AKR1D1: variants seen among roughly 807,000 people sequenced by gnomAD.
The protein encoded by AKR1D1 is delta(4)-3-ketosteroid 5-beta-reductase.
In AKR1D1, 32 loss-of-function variants were observed where a neutral mutation model predicts 42.6. The observed-to-expected ratio is 0.75, with a 90% CI of 0.57 to 1.01. The LOEUF (loss-of-function observed/expected upper bound fraction) is 1.01. AKR1D1 is among the 50% of genes least tolerant of loss of function. AKR1D1 has a pLI of 0.00. For missense variants in AKR1D1, 364 were observed against 402.2 expected, an observed-to-expected ratio of 0.91 and a Z score of 0.81; for synonymous variants, 123 against 135.5, an observed-to-expected ratio of 0.91 and a Z score of 0.64.
chr7:138,096,400 C>T (rs1585730735), intron 3 of AKR1D1, among the ~76,000 whole-genome samples: 1 of 152,270 alleles, frequency 6.6e-6, no homozygotes, highest in Middle Eastern at 3.4e-3. Flanking sequence ...TATGTCATCA[C>T]ATGCTGGAAC....
At chr7:138,109,069 A>G (rs1299484949) in intron 7 of AKR1D1, among the ~76,000 whole-genome samples, 1 of 152,204 alleles carries the variant, frequency 6.6e-6, no homozygotes, top group African/African-American at 2.4e-5. Flanking sequence ...TTTTTTAAAA[A>G]CTCAAAACAA....
At chr7:138,110,737 G>C (rs1213842251) in intron 7 of AKR1D1, among the ~76,000 whole-genome samples, 2 of 152,076 alleles carry the variant, frequency 1.3e-5, no homozygotes, top group Non-Finnish European at 2.9e-5. Flanking sequence ...TGGATGACAA[G>C]AGTGAAACTT....
At chr7:138,099,187 A>G (rs1163005846) in intron 4 of AKR1D1, among the ~76,000 whole-genome samples, 2 of 152,174 alleles carry the variant, frequency 1.3e-5, no homozygotes, top group African/African-American at 4.8e-5. Context: ...CCAAAAGAAC[A>G]CGCAGTCACT....
At position 138,076,542 on chromosome 7, in the gene AKR1D1, C is replaced by T. The variant is rs138462322; in HGVS notation, c.24C>T (p.His8=). Residue 8 remains histidine, a synonymous_variant, in exon 1 of 9, where the codon CAC becomes CAT. Coordinates refer to ENST00000242375, the MANE Select transcript of AKR1D1 (RefSeq NM_005989.4). ...CAATGGATCTCAGTGCTGCAAGTCA[C>T]CGCATACCTCTAAGTGATGGAAACA... The part of the protein sequence containing the change: MDLSAAS[H]RIPLSDGNSI... 5 of 1,613,418 alleles carry T rather than the reference C, an allele frequency of 3.1e-6. No homozygotes were observed. The African/African-American group carries it at 6.7e-5, about 22-fold the overall frequency.
intron 7 of AKR1D1, among the ~76,000 whole-genome samples, chr7:138,109,622 A>C (rs1794499293): frequency 6.6e-6 from 1 of 152,198 alleles, no homozygotes; most frequent in Non-Finnish European, 1.5e-5. Flanking sequence ...AGGGGGAAGG[A>C]AAGTTCGTAA....
At chr7:138,109,646 G>T (rs1026624994) in intron 7 of AKR1D1, among the ~76,000 whole-genome samples, 1 of 152,134 alleles carries the variant, frequency 6.6e-6, no homozygotes, top group South Asian at 2.1e-4. Flanking sequence ...GAAAAAAGGC[G>T]AAAAGATGCT....
chr7:138,114,991 G>A (rs1794608296), intron 8 of AKR1D1, among the ~76,000 whole-genome samples: 1 of 152,062 alleles, frequency 6.6e-6, no homozygotes, highest in Admixed American at 6.6e-5. Context: ...TTTTCAGGGG[G>A]AAAATTGTTT....
intron 5 of AKR1D1, among the ~76,000 whole-genome samples, chr7:138,106,005 T>C (rs1794417910): frequency 6.6e-6 from 1 of 152,034 alleles, no homozygotes; most frequent in African/African-American, 2.4e-5. Context: ...GAAAGACAAA[T>C]TGCAAGACTG....
At chr7:138,110,072 TCA>T (rs1175348104) in intron 7 of AKR1D1, among the ~76,000 whole-genome samples, 1 of 151,948 alleles carries the variant, frequency 6.6e-6, no homozygotes, top group African/African-American at 2.4e-5. Context: ...AGAATGAAAA[TCA>T]CAGCCAATTC....
Position 138,107,677 on chromosome 7 carries a change from C to A in AKR1D1, c.855+97C>A, listed in dbSNP as rs1436344690. The A allele has an allele frequency of 3.1e-6, 4 of 1,285,396 alleles. No homozygotes were observed. In the Admixed American group the frequency reaches 5.3e-5, roughly 17 times the overall value. The allele number at this position is 1,285,396 out of a possible 1,614,324, so 79.6% of individuals were successfully genotyped here. On this transcript the variant is annotated intron_variant, in intron 7 of 8. Transcript: ENST00000242375. ...AGCTTAATAGGAAACCTGTAACACT[C>A]TCATATTTTATTTTATACCAGCCCC...
intron 4 of AKR1D1, among the ~76,000 whole-genome samples, chr7:138,103,589 GC>G (rs1794359187): frequency 6.6e-6 from 1 of 151,470 alleles, no homozygotes; most frequent in African/African-American, 2.4e-5. Flanking sequence ...TTAAAAGGAG[GC>G]ACCTAAGCAA....
At chr7:138,108,185 A>G (rs1050841353) in intron 7 of AKR1D1, among the ~76,000 whole-genome samples, 2 of 152,206 alleles carry the variant, frequency 1.3e-5, no homozygotes, top group Non-Finnish European at 2.9e-5. Context: ...ACTTCCCTCT[A>G]TAAGTAATCT....
At chr7:138,111,802 G>A (rs10276854) in intron 7 of AKR1D1, among the ~76,000 whole-genome samples, 2,815 of 152,238 alleles carry the variant, frequency 0.018, 94 homozygotes, top group African/African-American at 0.063. Context: ...ACAATTGCAA[G>A]TTTATTAACT....
At chr7:138,087,719 C>G (rs1295746843) in intron 1 of AKR1D1, among the ~76,000 whole-genome samples, 2 of 152,128 alleles carry the variant, frequency 1.3e-5, no homozygotes, top group East Asian at 3.8e-4. Context: ...CAACTCCTGA[C>G]CCCAGGCAAT....
chr7:138,107,293 G>T (rs772415175), intron 6 of AKR1D1, 122 bp from the exon 7 acceptor site: 1 of 1,010,924 alleles, frequency 9.9e-7, no homozygotes, highest in Non-Finnish European at 1.6e-6. Context: ...ACTGGTTACA[G>T]GTGACCTGCA....
intron 7 of AKR1D1, among the ~76,000 whole-genome samples, chr7:138,112,485 G>A (rs1422070455): frequency 6.6e-6 from 1 of 152,116 alleles, no homozygotes; most frequent in Non-Finnish European, 1.5e-5. Context: ...TATCACTGGG[G>A]TCACTAAGAT....
intron 1 of AKR1D1, among the ~76,000 whole-genome samples, chr7:138,084,704 T>C (rs1350784998): frequency 6.6e-6 from 1 of 152,164 alleles, no homozygotes; most frequent in Admixed American, 6.5e-5. Context: ...TTTTCAAAAC[T>C]GGTTTTCCTA....
chr7:138,081,703 AT>A (rs1293478485), intron 1 of AKR1D1, among the ~76,000 whole-genome samples: 2 of 151,192 alleles, frequency 1.3e-5, no homozygotes, highest in Non-Finnish European at 2.9e-5. Context: ...TAATTTTTGT[AT>A]TTTTAGTAGA....
At chr7:138,080,318 C>T (rs73449484) in intron 1 of AKR1D1, among the ~76,000 whole-genome samples, 98 of 152,152 alleles carry the variant, frequency 6.4e-4, no homozygotes, top group African/African-American at 2.3e-3. Context: ...AACTCTCCCA[C>T]CTTGGCCTTC....
Sources: gnomAD v4.1 joint callset for allele counts (sites outside exome capture counted in the v4.1 genomes callset) on GRCh38, gnomAD v4.1.1 for gene constraint, MANE v1.5 for transcripts, NCBI Gene and HGNC (gene_info 2026-07-23, HGNC 2026-07-21) for gene names.